The following MRC1 variants were observed in gnomAD, a reference collection of about 807,000 sequenced individuals.
MRC1 encodes mannose receptor C-type 1.
A neutral mutation model predicts 102.9 loss-of-function variants in MRC1; 62 were observed. The ratio of observed to expected loss-of-function variants is 0.60; its 90% CI spans 0.49 to 0.74. The LOEUF (loss-of-function observed/expected upper bound fraction) is 0.74. Ranked by LOEUF, MRC1 falls within the 30% of genes least tolerant of loss-of-function variation. The pLI, the probability that MRC1 is intolerant of heterozygous loss-of-function variation, is 0.00. For missense variants in MRC1, 1,237 were observed against 862.8 expected (o/e 1.43, Z -5.43); for synonymous variants, 457 against 298.4 (o/e 1.53, Z -5.48).
chr10:17,823,059 T>G lies in MRC1; in HGVS notation c.62-15T>G. 4 of 780,816 alleles carry G rather than the reference T, an allele frequency of 5.1e-6. No homozygotes were observed. The highest frequency in any genetic ancestry group is 1.7e-5 in the African/African-American group (1 of 59,254). 48.4% of individuals were successfully genotyped at this position (780,816 alleles called of 1,614,324 possible). ...TGCTTTCTTCTTCTTTTCCTGCTTC[T>G]TTCTTTTTAAACAGACACCAGGCAA... On this transcript the variant is annotated splice_polypyrimidine_tract_variant and intron_variant, in intron 1 of 29. Coordinates refer to ENST00000569591, the MANE Select transcript of MRC1 (RefSeq NM_002438.4).
chr10:17,898,106 C>T lies in MRC1; in HGVS notation c.3323C>T (p.Ser1108Leu), dbSNP rs2130714128. ...GTTAAATATGGCAAAAGCAGCTATT[C>T]ACTCATGAGACAAAAATTTCAATGG... ...GFVKYGKSSY[S>L]LMRQKFQWHE... Residue 1108 changes from serine (S) to leucine (L), a missense_variant, in exon 24 of 30, where the codon TCA becomes TTA. Physicochemically the swap from Ser to Leu is moderately radical, Grantham distance 145. Transcript: ENST00000569591. 3 of 780,846 alleles carry T rather than the reference C, an allele frequency of 3.8e-6. No individual in the cohort carries two copies. The East Asian group carries it at 7.3e-5, about 19-fold the overall frequency. The allele number at this position is 780,846 out of a possible 1,614,324, so 48.4% of individuals were successfully genotyped here.
intron 6 of MRC1, among the ~76,000 whole-genome samples, chr10:17,845,806 A>G (rs888144819): frequency 5.9e-5 from 9 of 152,220 alleles, no homozygotes; most frequent in Non-Finnish European, 1.2e-4. Context: ...AGGGATGTTT[A>G]TATTAGGTCC....
Position 17,840,679 on chromosome 10 carries a change from C to G in MRC1, c.803-14C>G. 2 of 780,238 alleles carry G rather than the reference C, an allele frequency of 2.6e-6. No homozygotes were observed. Among genetic ancestry groups the G allele is most frequent in the South Asian group, 2.7e-5 (2 of 74,374 alleles). The allele number at this position is 780,238 out of a possible 1,614,324, so 48.3% of individuals were successfully genotyped here. A position where few individuals can be genotyped will look rare whatever the true frequency, so the allele number is the denominator to read the frequency against. On this transcript the variant is annotated splice_polypyrimidine_tract_variant and intron_variant, in intron 4 of 29. Coordinates refer to ENST00000569591, the MANE Select transcript of MRC1 (RefSeq NM_002438.4). ...AGTTCTTGTTTGTTTGTTTTGCTTT[C>G]TTTAAAAATATAGGATTAACCAGTT...
In MRC1 at chr10:17,874,872, C is replaced by A. The variant is rs988324888; in HGVS notation, c.2387-218C>A. ...GACATATGGAACATAGCTGGGAATA[C>A]AAAATGGGTCCTTTTTACCAGATTG... On this transcript the variant is annotated intron_variant, in intron 16 of 29. Coordinates refer to ENST00000569591, the MANE Select transcript of MRC1 (RefSeq NM_002438.4). Among the ~76,000 whole-genome samples, 97 of 152,262 alleles carry A rather than the reference C, an allele frequency of 6.4e-4. 1 individual carries two copies. Among genetic ancestry groups the A allele is most frequent in the East Asian group, 4.4e-3 (23 of 5,182 alleles).
intron 1 of MRC1, among the ~76,000 whole-genome samples, chr10:17,817,051 C>T (rs1252535478): frequency 2.6e-5 from 4 of 151,994 alleles, no homozygotes; most frequent in Non-Finnish European, 5.9e-5. Flanking sequence ...AGTTCGAGAC[C>T]AGCCTGGCCA....
At position 17,870,852 on chromosome 10, in the gene MRC1, A is replaced by G. The variant is rs1432770548; in HGVS notation, c.2116A>G (p.Ser706Gly). 1 of 872,460 alleles carries G rather than the reference A, an allele frequency of 1.1e-6. No individual in the cohort carries two copies. Among genetic ancestry groups the G allele is most frequent in the South Asian group, 1.3e-5 (1 of 76,534 alleles). The allele number at this position is 872,460 out of a possible 1,614,324, so 54.0% of individuals were successfully genotyped here. A position where few individuals can be genotyped will look rare whatever the true frequency, so the allele number is the denominator to read the frequency against. Residue 706 changes from serine (S) to glycine (G), a missense_variant, in exon 14 of 30, where the codon AGT (serine) becomes GGT (glycine). By Grantham distance (56) the Ser-to-Gly change is moderately conservative. Coordinates refer to ENST00000569591, the MANE Select transcript of MRC1 (RefSeq NM_002438.4). ...QQTIWRLITA[S>G]GSYHKLFWLG... ...TTTATGTTTTGGATTTCATAGAGCT[A>G]GTGGAAGCTACCACAAACTGTTTTG...
At chr10:17,901,604 A>C (rs1382612240) in intron 25 of MRC1, among the ~76,000 whole-genome samples, 3 of 151,796 alleles carry the variant, frequency 2.0e-5, no homozygotes, top group Admixed American at 2.0e-4. Context: ...CAGGAGAATC[A>C]CTTGAATCCG....
intron 22 of MRC1, among the ~76,000 whole-genome samples, chr10:17,893,124 C>T (rs1196988188): frequency 6.6e-6 from 1 of 151,958 alleles, no homozygotes; most frequent in Non-Finnish European, 1.5e-5. Context: ...TTCTGGCTTC[C>T]CTCAGCCCTT....
intron 25 of MRC1, 84 bp downstream of exon 25, chr10:17,901,037 T>C: frequency 1.4e-6 from 1 of 725,924 alleles, no homozygotes; most frequent in East Asian, 2.4e-5. Context: ...TATTAAACAG[T>C]AATGTGTCTT....
intron 1 of MRC1, among the ~76,000 whole-genome samples, chr10:17,811,809 A>T (rs1282949907): frequency 1.3e-5 from 2 of 151,834 alleles, no homozygotes; most frequent in African/African-American, 4.8e-5. Context: ...CCGATCTCAA[A>T]CTTCTGGGCT....
intron 5 of MRC1, among the ~76,000 whole-genome samples, chr10:17,844,883 C>A (rs578158780): frequency 6.6e-6 from 1 of 152,280 alleles, no homozygotes; most frequent in East Asian, 1.9e-4. Flanking sequence ...CTAGTTGCAT[C>A]CATGTTGCTG....
intron 9 of MRC1, among the ~76,000 whole-genome samples, chr10:17,861,041 G>A (rs1833177369): frequency 6.6e-6 from 1 of 152,230 alleles, no homozygotes; most frequent in African/African-American, 2.4e-5. Context: ...TGGGCACAGT[G>A]GCTCACGCCT....
In MRC1 at chr10:17,907,604, A is replaced by G; in HGVS notation, c.3984A>G (p.Glu1328=). 1 of 780,920 alleles carries G rather than the reference A, an allele frequency of 1.3e-6. No homozygotes were observed. Among genetic ancestry groups the G allele is most frequent in the Admixed American group, 1.7e-5 (1 of 59,032 alleles). 48.4% of individuals were successfully genotyped at this position (780,920 alleles called of 1,614,324 possible). A position where few individuals can be genotyped will look rare whatever the true frequency, so the allele number is the denominator to read the frequency against. ...GGAACACAGGAGATCCCTCTGGTGA[A>G]CGGAATGATTGTGTAGCTTTACATG... The part of the protein sequence containing the change: ...VNWNTGDPSG[E]RNDCVALHAS... The change falls in exon 28 of 30, where the codon GAA becomes GAG. Residue 1328 remains glutamate, a synonymous_variant. Transcript: ENST00000569591.
At chr10:17,897,657 T>A (rs974578995) in intron 23 of MRC1, among the ~76,000 whole-genome samples, 1 of 152,176 alleles carries the variant, frequency 6.6e-6, no homozygotes, top group Non-Finnish European at 1.5e-5. Flanking sequence ...TTAACGTACA[T>A]GGAAAAATAA....
intron 5 of MRC1, chr10:17,844,958 C>T (rs1589174592): frequency 1.3e-5 from 6 of 479,938 alleles, no homozygotes; most frequent in Admixed American, 2.8e-5. Flanking sequence ...TCATTAGGTA[C>T]CTCTCTTTGA....
rs1833826769 is a variant in MRC1, at chr10:17,901,434, A to AT, written c.3649+482dup. 5.3e-5 allele frequency among the ~76,000 whole-genome samples: 8 copies of AT among 152,354 alleles called. No homozygotes were observed. In the South Asian group the frequency reaches 1.7e-3, roughly 32 times the overall value. On this transcript the variant is annotated intron_variant, in intron 25 of 29. Transcript: ENST00000569591. ...CCGGGTGCGGTGGCTCACCCCTGTA[A>AT]TCCCAGCACTTCGGGAGGCCGAGGC...
At chr10:17,847,654 G>A (rs1453023438) in intron 6 of MRC1, among the ~76,000 whole-genome samples, 1 of 152,320 alleles carries the variant, frequency 6.6e-6, no homozygotes, top group African/African-American at 2.4e-5. Flanking sequence ...TGTACTCTCT[G>A]GCTTAGCAGC....
At chr10:17,894,156 T>G (rs1454498870) in intron 22 of MRC1, 54 bp from the exon 23 acceptor site, 10 of 864,168 alleles carry the variant, frequency 1.2e-5, no homozygotes, top group Non-Finnish European at 1.8e-5. Context: ...TGAATTGATT[T>G]CAATAGTCGT....
chr10:17,891,284 ATCC>A lies in MRC1; in HGVS notation c.3148-2922_3148-2920del, dbSNP rs1324956934. The stretch of plus-strand genomic sequence containing the variant: ...CGGGTTCACGCCATTCTCCTGCCTC[ATCC>A]TCCCGAGTAGCTGGGACTACAGGCG... On this transcript the variant is annotated intron_variant, in intron 22 of 29. Transcript: ENST00000569591. 4.6e-5 allele frequency among the ~76,000 whole-genome samples: 7 copies of A among 151,580 alleles called. No individual in the cohort carries two copies. In the East Asian group the frequency reaches 1.4e-3, roughly 29 times the overall value.
Sources: allele counts gnomAD v4.1 joint callset (sites outside exome capture counted in the v4.1 genomes callset), GRCh38; gene constraint gnomAD v4.1.1; transcripts MANE v1.5; gene names NCBI Gene and HGNC (gene_info 2026-07-23, HGNC 2026-07-21).